TP63: variants seen among roughly 807,000 people sequenced by gnomAD.
TP63 encodes tumor protein 63.
Under a neutral mutation model 82.8 loss-of-function variants are expected in TP63, and 17 were observed. That is an observed-to-expected ratio of 0.21 (90% CI 0.14 to 0.31). The LOEUF (loss-of-function observed/expected upper bound fraction) is 0.31, where lower values mean the gene tolerates loss of function less well. TP63 is among the 10% of genes least tolerant of loss of function. The pLI is 1.00. For synonymous variants in TP63, 330 were observed against 321.7 expected (o/e 1.03, Z -0.28); for missense variants, 648 against 895.3 (o/e 0.72, Z 3.52).
chr3:189,878,378 C>G (rs1719476829), intron 10 of TP63, among the ~76,000 whole-genome samples: 2 of 142,508 alleles, frequency 1.4e-5, no homozygotes, highest in Non-Finnish European at 3.0e-5. Flanking sequence ...CAAGCTTTTA[C>G]AGTTTCCTTT....
intron 1 of TP63, among the ~76,000 whole-genome samples, chr3:189,724,737 C>T (rs975639579): frequency 8.5e-5 from 13 of 152,176 alleles, no homozygotes; most frequent in African/African-American, 3.1e-4. Flanking sequence ...CCTCCATCTC[C>T]TCTGTTCACA....
intron 9 of TP63, among the ~76,000 whole-genome samples, chr3:189,870,769 G>A (rs1234533375): frequency 6.6e-6 from 1 of 152,128 alleles, no homozygotes; most frequent in East Asian, 1.9e-4. Flanking sequence ...ATGACGTTTT[G>A]GTGGCTGGCA....
At chr3:189,765,909 G>A (rs932526026) in intron 3 of TP63, among the ~76,000 whole-genome samples, 3 of 152,180 alleles carry the variant, frequency 2.0e-5, no homozygotes, top group Admixed American at 6.5e-5. Flanking sequence ...TGGGCTAGGT[G>A]AATACTCAGT....
chr3:189,763,650 G>C (rs374302837), intron 3 of TP63, among the ~76,000 whole-genome samples: 4 of 152,284 alleles, frequency 2.6e-5, no homozygotes, highest in African/African-American at 7.2e-5. Flanking sequence ...GGTGGGGAGA[G>C]GTTATACTAG....
chr3:189,824,729 G>A (rs935048627), intron 4 of TP63, among the ~76,000 whole-genome samples: 3 of 152,068 alleles, frequency 2.0e-5, no homozygotes, highest in Non-Finnish European at 4.4e-5. Flanking sequence ...AAAGCACCAG[G>A]GAGGGAGAGG....
chr3:189,689,143 G>C (rs1175756399), intron 1 of TP63, among the ~76,000 whole-genome samples: 1 of 98,924 alleles, frequency 1.0e-5, no homozygotes, highest in Non-Finnish European at 1.9e-5. Context: ...TTGAGACGGA[G>C]TCTCACTCTG....
intron 1 of TP63, among the ~76,000 whole-genome samples, chr3:189,669,473 G>A (rs551642705): frequency 9.2e-5 from 14 of 152,050 alleles, no homozygotes; most frequent in Admixed American, 2.0e-4. Context: ...AAATAATTGG[G>A]CAAATAGAAA....
intron 3 of TP63, among the ~76,000 whole-genome samples, chr3:189,753,429 C>T (rs73055262): frequency 0.02 from 3,003 of 151,620 alleles, 97 homozygotes; most frequent in African/African-American, 0.069. Context: ...TGCTTTTTTC[C>T]GAAGTCTACT....
intron 4 of TP63, among the ~76,000 whole-genome samples, chr3:189,831,818 C>CTTT (rs1156431272): frequency 3.0e-4 from 22 of 73,198 alleles, no homozygotes; most frequent in African/African-American, 5.1e-4. Context: ...CTATTATGCT[C>CTTT]TTTTTTTTTT....
chr3:189,770,021 T>C (rs1392076376), intron 3 of TP63, among the ~76,000 whole-genome samples: 1 of 152,236 alleles, frequency 6.6e-6, no homozygotes, highest in Non-Finnish European at 1.5e-5. Context: ...TACGTTTTTG[T>C]GTGTTAAACA....
chr3:189,851,245 C>T (rs1715586506), intron 4 of TP63, among the ~76,000 whole-genome samples: 1 of 152,106 alleles, frequency 6.6e-6, no homozygotes, highest in African/African-American at 2.4e-5. Context: ...GGAAGGGGCG[C>T]AAAGCAGTCT....
chr3:189,789,531 G>A (rs1724909051), intron 3 of TP63: 1 of 441,606 alleles, frequency 2.3e-6, no homozygotes, highest in South Asian at 1.2e-4. Context: ...TTAATGAGAT[G>A]GGAGAGGCCT....
intron 4 of TP63, among the ~76,000 whole-genome samples, chr3:189,834,689 C>G (rs10513842): frequency 0.049 from 7,407 of 152,214 alleles, 221 homozygotes; most frequent in Non-Finnish European, 0.07. Context: ...GTGATTAAGA[C>G]CATAAACCAA....
At chr3:189,709,103 A>C (rs1049309957) in intron 1 of TP63, among the ~76,000 whole-genome samples, 2 of 152,150 alleles carry the variant, frequency 1.3e-5, no homozygotes, top group Admixed American at 6.5e-5. Context: ...CTTATGGTAC[A>C]TTATTTTTCT....
chr3:189,773,753 G>A (rs967628111), intron 3 of TP63, among the ~76,000 whole-genome samples: 10 of 151,736 alleles, frequency 6.6e-5, no homozygotes, highest in Admixed American at 4.6e-4. Flanking sequence ...TCATGTGAGG[G>A]TATTTGTTAA....
intron 3 of TP63, among the ~76,000 whole-genome samples, chr3:189,790,020 T>A (rs1026098202): frequency 2.0e-5 from 3 of 151,798 alleles, no homozygotes; most frequent in Non-Finnish European, 4.4e-5. Context: ...TTTTTTTTTT[T>A]ATTAAGTAGG....
chr3:189,769,248 T>C (rs1432427668), intron 3 of TP63, among the ~76,000 whole-genome samples: 1 of 152,226 alleles, frequency 6.6e-6, no homozygotes, highest in East Asian at 1.9e-4. Flanking sequence ...CTATAAATTC[T>C]ATCATCTTCC....
At chr3:189,764,084 T>C (rs997181448) in intron 3 of TP63, among the ~76,000 whole-genome samples, 4 of 152,206 alleles carry the variant, frequency 2.6e-5, no homozygotes, top group Admixed American at 6.5e-5. Context: ...CCTCAAACTC[T>C]GCACCCTTGT....
intron 3 of TP63, among the ~76,000 whole-genome samples, chr3:189,748,292 C>T (rs996518298): frequency 1.3e-5 from 2 of 151,842 alleles, no homozygotes; most frequent in African/African-American, 4.8e-5. Flanking sequence ...AGAAAACCTA[C>T]GCTCTTCCTG....
Sources: gnomAD v4.1 joint callset for allele counts (sites outside exome capture counted in the v4.1 genomes callset) on GRCh38, gnomAD v4.1.1 for gene constraint, MANE v1.5 for transcripts, NCBI Gene and HGNC (gene_info 2026-07-23, HGNC 2026-07-21) for gene names.